USP54: variants seen among roughly 807,000 people sequenced by gnomAD.
USP54 encodes the protein ubiquitin carboxyl-terminal hydrolase 54.
Under a neutral mutation model 170.5 loss-of-function variants are expected in USP54, and 87 were observed. That is an observed-to-expected ratio of 0.51 (90% CI 0.43 to 0.61). The LOEUF is 0.61. Among genes scored for constraint, USP54 ranks in the 20% least tolerant of loss-of-function variants. USP54 has a pLI of 0.00. For missense variants in USP54, 1,786 were observed against 2,047.8 expected (o/e 0.87, Z 2.47); for synonymous variants, 655 against 742.8 (o/e 0.88, Z 1.92).
chr10:73,558,132 G>A lies in USP54; in HGVS notation c.241-12460C>T, dbSNP rs189541607. 2.3e-3 allele frequency among the ~76,000 whole-genome samples: 356 copies of A among 152,086 alleles called. 3 individuals are homozygous for A. The highest frequency in any genetic ancestry group is 0.014 in the South Asian group (68 of 4,810). On this transcript the variant is annotated intron_variant, in intron 4 of 23. Coordinates refer to ENST00000687698, the MANE Select transcript of USP54 (RefSeq NM_001391956.1). ...CTTGACCTCATGATCCGCCCACTTCGGCCCCACAAAGTGCTGGAATTACAG... is the reference window on the plus strand; with the variant it reads ...CTTGACCTCATGATCCGCCCACTTCAGCCCCACAAAGTGCTGGAATTACAG...
chr10:73,525,100 G>A (rs1219695450), intron 16 of USP54, among the ~76,000 whole-genome samples: 1 of 152,148 alleles, frequency 6.6e-6, no homozygotes, highest in African/African-American at 2.4e-5. Flanking sequence ...TGCATAGTAT[G>A]ACTTCATCTT....
chr10:73,544,911 G>A (rs1056565677), intron 5 of USP54, among the ~76,000 whole-genome samples: 25 of 151,610 alleles, frequency 1.6e-4, no homozygotes, highest in African/African-American at 5.8e-4. Flanking sequence ...ATGGGGTTTC[G>A]CTACGTTGGC....
At chr10:73,566,032 A>C (rs2073704364) in intron 4 of USP54, among the ~76,000 whole-genome samples, 2 of 152,206 alleles carry the variant, frequency 1.3e-5, no homozygotes, top group Admixed American at 6.5e-5. Context: ...GGAGTTCGAG[A>C]CCAGCCTGGC....
At chr10:73,577,419 T>G (rs2076262442) in intron 1 of USP54, among the ~76,000 whole-genome samples, 1 of 152,232 alleles carries the variant, frequency 6.6e-6, no homozygotes, top group Admixed American at 6.5e-5. Context: ...ATAATCTACA[T>G]GTCCCAATTA....
At chr10:73,529,402 A>C (rs2063563929) in intron 15 of USP54, 1 of 441,012 alleles carries the variant, frequency 2.3e-6, no homozygotes, top group Admixed American at 3.4e-5. Flanking sequence ...CTATGACACA[A>C]GTTTATCCTA....
intron 1 of USP54, among the ~76,000 whole-genome samples, chr10:73,612,128 A>G (rs1331644154): frequency 2.6e-5 from 4 of 152,052 alleles, no homozygotes; most frequent in African/African-American, 9.7e-5. Context: ...AATAAAATAG[A>G]TAGACAGAAA....
intron 1 of USP54, among the ~76,000 whole-genome samples, chr10:73,608,243 G>C (rs1331674582): frequency 6.6e-6 from 1 of 151,922 alleles, no homozygotes; most frequent in African/African-American, 2.4e-5. Context: ...CTGGGCAACA[G>C]AGCGAGATTC....
At chr10:73,622,921 C>A (rs747186394) in intron 1 of USP54, among the ~76,000 whole-genome samples, 15 of 149,234 alleles carry the variant, frequency 1.0e-4, no homozygotes, top group Non-Finnish European at 1.6e-4. Flanking sequence ...CCAGCCTGGG[C>A]AACAGACAAC....
At position 73,575,578 on chromosome 10, in the gene USP54, TATGGAG is replaced by T; in HGVS notation, c.75_80del (p.Ser26_Ile27del). The T allele has an allele frequency of 1.2e-6, 2 of 1,614,078 alleles. No individual in the cohort carries two copies. The highest frequency in any genetic ancestry group is 1.3e-5 in the African/African-American group (1 of 75,036). On this transcript the variant is annotated inframe_deletion, in exon 3 of 24. Transcript: ENST00000687698. ...CATTGCTGAGGCCTTTGCTGGGGGC[TATGGAG>T]GTTGAGCTTCGAGGTGCAAACATCC...
At chr10:73,499,211 A>G (rs1421856137) in intron 23 of USP54, 23 bp from the exon 24 acceptor site, 3 of 1,561,486 alleles carry the variant, frequency 1.9e-6, no homozygotes, top group East Asian at 2.2e-5. Context: ...AAGAAACCCA[A>G]AGACTGAGCA....
chr10:73,545,815 T>A, intron 4 of USP54, 143 bp from the exon 5 acceptor site: 2 of 878,698 alleles, frequency 2.3e-6, no homozygotes, highest in South Asian at 1.8e-5. Flanking sequence ...TTGCAGTTAG[T>A]AATTAAAAAT....
chr10:73,521,841 A>T (rs2061948493), intron 17 of USP54, among the ~76,000 whole-genome samples: 1 of 152,236 alleles, frequency 6.6e-6, no homozygotes, highest in Admixed American at 6.5e-5. Flanking sequence ...AAGAGTCTAA[A>T]AACAATACCG....
chr10:73,514,855 C>T lies in USP54; in HGVS notation c.4051+1520G>A, dbSNP rs150007561. ...AGGAGTTCAAGACCAGCCTGGCCAA[C>T]GTGGTGAAACCCTGTCTCTACTAAA... On this transcript the variant is annotated intron_variant, in intron 20 of 23. Transcript: ENST00000687698. Among the ~76,000 whole-genome samples, 1,083 of 152,042 alleles carry T rather than the reference C, an allele frequency of 7.1e-3. 19 individuals carry two copies. The highest frequency in any genetic ancestry group is 0.025 in the African/African-American group (1,022 of 41,478).
intron 4 of USP54, among the ~76,000 whole-genome samples, chr10:73,560,961 C>T (rs1247586500): frequency 6.6e-6 from 1 of 150,718 alleles, no homozygotes; most frequent in Non-Finnish European, 1.5e-5. Flanking sequence ...AAAAATTAGC[C>T]GGGCGTGGTG....
At chr10:73,556,560 A>G (rs771789714) in intron 4 of USP54, among the ~76,000 whole-genome samples, 18 of 151,952 alleles carry the variant, frequency 1.2e-4, no homozygotes, top group Non-Finnish European at 2.1e-4. Flanking sequence ...TGGCCAGGCT[A>G]GTCCTCAACT....
intron 3 of USP54, among the ~76,000 whole-genome samples, chr10:73,574,364 A>G (rs2075767939): frequency 6.6e-6 from 1 of 152,214 alleles, no homozygotes; most frequent in South Asian, 2.1e-4. Context: ...ACTCCATTCA[A>G]TATGTGGGCC....
chr10:73,623,874 GTC>G (rs920821060), intron 1 of USP54, among the ~76,000 whole-genome samples: 1 of 151,976 alleles, frequency 6.6e-6, no homozygotes, highest in African/African-American at 2.4e-5. Context: ...CACAAAATAG[GTC>G]TCAATAAATA....
chr10:73,536,375 C>A lies in USP54; in HGVS notation c.1038G>T (p.Leu346=). ...KCIKGHYQPL[L]LLYADPQGTP... is the part of the protein sequence containing the mutation. ...TACCCTGGGGATCTGCATAAAGCAG[C>A]AGCAGGGGCTGATAATGCCCCTTGA... The change falls in exon 11 of 24, where the codon CTG becomes CTT. Residue 346 remains leucine (L), a synonymous_variant. Coordinates refer to ENST00000687698, the MANE Select transcript of USP54 (RefSeq NM_001391956.1). 6.2e-7 allele frequency: 1 copy of A among 1,608,224 alleles called. No individual in the cohort carries two copies. The highest frequency in any genetic ancestry group is 2.2e-5 in the East Asian group (1 of 44,788).
At chr10:73,544,525 T>C (rs1459285291) in intron 5 of USP54, among the ~76,000 whole-genome samples, 2 of 152,166 alleles carry the variant, frequency 1.3e-5, no homozygotes, top group East Asian at 3.9e-4. Flanking sequence ...AGGAATGTAA[T>C]TGCTAGATCA....
Sources: allele counts gnomAD v4.1 joint callset (sites outside exome capture counted in the v4.1 genomes callset), GRCh38; gene constraint gnomAD v4.1.1; transcripts MANE v1.5; gene names NCBI Gene and HGNC (gene_info 2026-07-23, HGNC 2026-07-21).